Variants in CYP3A43 observed in about 807,000 individuals in gnomAD.
The protein encoded by CYP3A43 is cytochrome P450 3A43.
CYP3A43 carries 45 observed loss-of-function variants against 58.0 expected under a neutral mutation model. The observed-to-expected ratio is 0.78, with a 90% CI of 0.61 to 0.99. The LOEUF (loss-of-function observed/expected upper bound fraction) is 0.99. Among genes scored for constraint, CYP3A43 ranks in the 50% least tolerant of loss-of-function variants. The pLI is 0.00. For synonymous variants in CYP3A43, 191 were observed against 201.4 expected (o/e 0.95, Z 0.44); for missense variants, 593 against 591.9 (o/e 1.00, Z -0.02).
chr7:99,850,204 C>T (rs1262562594), intron 7 of CYP3A43: 1 of 261,336 alleles, frequency 3.8e-6, no homozygotes, highest in African/African-American at 2.4e-5. Flanking sequence ...ATCCGCCCTC[C>T]TCAGCCTCCC....
At chr7:99,848,593 G>A (rs1817628625) in intron 6 of CYP3A43, among the ~76,000 whole-genome samples, 1 of 152,132 alleles carries the variant, frequency 6.6e-6, no homozygotes. Flanking sequence ...GTGGTGGGAG[G>A]GGAAGGTGTT....
At chr7:99,836,697 T>A (rs2151592713) in intron 2 of CYP3A43, 151 bp downstream of exon 2, 2 of 599,816 alleles carry the variant, frequency 3.3e-6, no homozygotes, top group Admixed American at 7.0e-5. Flanking sequence ...AGGGCCAGGT[T>A]TATACCAGGA....
At position 99,844,244 on chromosome 7, in the gene CYP3A43, T is replaced by C; in HGVS notation, c.318+2T>C. 3.7e-6 allele frequency: 6 copies of C among 1,611,312 alleles called. 1 individual carries two copies. The African/African-American group carries it at 6.7e-5, about 18-fold the overall frequency. ...TACTCTGTCTTCACAAACCAGATGG[T>C]AGGCCTATATTTTCAAATGTATTAA... On this transcript the variant is annotated splice_donor_variant, in intron 4 of 12. Coordinates refer to ENST00000354829, the MANE Select transcript of CYP3A43 (RefSeq NM_057095.3). LOFTEE classifies it high-confidence loss of function.
intron 1 of CYP3A43, among the ~76,000 whole-genome samples, chr7:99,829,886 G>A (rs1240420968): frequency 1.3e-5 from 2 of 152,134 alleles, no homozygotes; most frequent in African/African-American, 2.4e-5. Context: ...GATTCCTTGC[G>A]ACTCAGCTAC....
intron 1 of CYP3A43, among the ~76,000 whole-genome samples, chr7:99,834,013 T>C (rs1413101377): frequency 3.9e-5 from 6 of 152,234 alleles, no homozygotes; most frequent in African/African-American, 1.4e-4. Context: ...TTGCACATTC[T>C]AGCTGTGATT....
intron 3 of CYP3A43, among the ~76,000 whole-genome samples, chr7:99,840,407 A>G (rs1817284720): frequency 6.6e-6 from 1 of 152,192 alleles, no homozygotes; most frequent in African/African-American, 2.4e-5. Flanking sequence ...CAAGACCAGA[A>G]ATCATCCCTC....
Position 99,856,794 on chromosome 7 carries a change from G to A in CYP3A43, c.799-39G>A, listed in dbSNP as rs1248635328. ...TCCTGATTCACTTCTGACTTCACAA[G>A]TGACTTTCTGTCATTAAAATTTCTC... On this transcript the variant is annotated intron_variant, in intron 8 of 12. Transcript: ENST00000354829. 6 of 1,611,778 alleles carry A rather than the reference G, an allele frequency of 3.7e-6. No homozygotes were observed. In the African/African-American group the frequency reaches 5.3e-5, roughly 14 times the overall value.
At chr7:99,832,358 G>T (rs1816879363) in intron 1 of CYP3A43, among the ~76,000 whole-genome samples, 2 of 151,922 alleles carry the variant, frequency 1.3e-5, no homozygotes, top group South Asian at 4.2e-4. Flanking sequence ...GGGAGGAATT[G>T]GATCATAGGG....
At chr7:99,843,840 G>C (rs1208990265) in intron 3 of CYP3A43, among the ~76,000 whole-genome samples, 1 of 152,194 alleles carries the variant, frequency 6.6e-6, no homozygotes, top group Non-Finnish European at 1.5e-5. Context: ...ACACCACCTA[G>C]ATGTAACAAA....
At chr7:99,858,417 A>G (rs1818080642) in intron 9 of CYP3A43, among the ~76,000 whole-genome samples, 1 of 152,122 alleles carries the variant, frequency 6.6e-6, no homozygotes, top group Admixed American at 6.5e-5. Flanking sequence ...TCCAGTCCTG[A>G]TCAAACAGAC....
chr7:99,846,670 G>A (rs548580790), intron 4 of CYP3A43, among the ~76,000 whole-genome samples: 2 of 152,042 alleles, frequency 1.3e-5, no homozygotes, highest in South Asian at 4.1e-4. Flanking sequence ...TTGGAGGAAA[G>A]CATTCATTTT....
chr7:99,860,873 A>G (rs958604569), intron 10 of CYP3A43, among the ~76,000 whole-genome samples: 1 of 142,448 alleles, frequency 7.0e-6, no homozygotes, highest in Admixed American at 6.7e-5. Context: ...ACATAGTGTT[A>G]CTCTCCACAT....
At chr7:99,850,013 A>G (rs1202646535) in intron 7 of CYP3A43, 2 of 435,078 alleles carry the variant, frequency 4.6e-6, no homozygotes, top group Admixed American at 2.6e-5. Context: ...GCCGGAGTGC[A>G]TGGTGCGATC....
chr7:99,861,357 C>T (rs955363902), intron 10 of CYP3A43, among the ~76,000 whole-genome samples: 1 of 152,090 alleles, frequency 6.6e-6, no homozygotes, highest in Non-Finnish European at 1.5e-5. Flanking sequence ...AAAGAAAAAA[C>T]ACGAAATGGT....
chr7:99,863,745 A>G, intron 12 of CYP3A43, 46 bp downstream of exon 12: 1 of 1,417,596 alleles, frequency 7.1e-7, no homozygotes, highest in East Asian at 2.4e-5. Flanking sequence ...AGTTTTTTAA[A>G]CTGAGAAGTC....
In CYP3A43 at chr7:99,838,856, C is replaced by CA. The variant is rs201004647; in HGVS notation, c.166-263dup. On this transcript the variant is annotated intron_variant, in intron 2 of 12. Transcript: ENST00000354829. Reference sequence around the variant, plus strand: ...TTAGCTGGGTGTGGTGGCGGGCCCCCATAATCCCAGCTACTTGGGAGGCTG... The same window carrying CA: ...TTAGCTGGGTGTGGTGGCGGGCCCCCAATAATCCCAGCTACTTGGGAGGCTG... 5.8e-3 allele frequency: 3,110 copies of CA among 539,566 alleles called. 81 individuals are homozygous for CA. Among genetic ancestry groups the CA allele is most frequent in the African/African-American group, 0.053 (2,722 of 51,642 alleles). The allele number at this position is 539,566 out of a possible 1,614,324, so 33.4% of individuals were successfully genotyped here.
At chr7:99,862,398 AT>A (rs1485371962) in intron 11 of CYP3A43, among the ~76,000 whole-genome samples, 1 of 152,110 alleles carries the variant, frequency 6.6e-6, no homozygotes. Context: ...CTCATCCCTG[AT>A]GGTTTAAGCC....
intron 6 of CYP3A43, 31 bp downstream of exon 6, chr7:99,848,285 G>A (rs1370541285): frequency 6.2e-7 from 1 of 1,605,918 alleles, no homozygotes; most frequent in South Asian, 1.1e-5. Flanking sequence ...GTTCTGAGCT[G>A]TCATGAGCCC....
chr7:99,837,643 GT>G (rs909254355), intron 2 of CYP3A43, among the ~76,000 whole-genome samples: 6 of 151,506 alleles, frequency 4.0e-5, no homozygotes, highest in African/African-American at 7.3e-5. Flanking sequence ...AATGAGTTCT[GT>G]TTTTTTTTAA....
Sources: gnomAD v4.1 joint callset for allele counts (sites outside exome capture counted in the v4.1 genomes callset) on GRCh38, gnomAD v4.1.1 for gene constraint, MANE v1.5 for transcripts, NCBI Gene and HGNC (gene_info 2026-07-23, HGNC 2026-07-21) for gene names.